The following NOSTRIN variants were observed in gnomAD, a reference collection of about 807,000 sequenced individuals.
The protein encoded by NOSTRIN is BM247 homolog.
In NOSTRIN, 63 loss-of-function variants were observed where a neutral mutation model predicts 59.0. The observed-to-expected ratio is 1.07, with a 90% CI of 0.87 to 1.32. The LOEUF is 1.32. Among genes scored for constraint, NOSTRIN ranks in the 40% most tolerant of loss-of-function variants. The pLI is 0.00. For missense variants in NOSTRIN, 512 were observed against 473.1 expected (o/e 1.08, Z -0.76); for synonymous variants, 200 against 165.4 (o/e 1.21, Z -1.61).
chr2:168,793,652 G>C (rs1036961377), upstream of NOSTRIN, among the ~76,000 whole-genome samples: 2 of 151,998 alleles, frequency 1.3e-5, no homozygotes, highest in African/African-American at 4.8e-5. Flanking sequence ...ACAAATATGC[G>C]TAAGTTCCTA....
At chr2:168,863,206 G>A (rs1375352457) in intron 15 of NOSTRIN, among the ~76,000 whole-genome samples, 2 of 152,130 alleles carry the variant, frequency 1.3e-5, no homozygotes, top group African/African-American at 4.8e-5. Context: ...TAGGGAAGCT[G>A]GCAATACAAT....
At position 168,792,761 on chromosome 2, in the gene NOSTRIN, G is replaced by C. The variant is rs1685390414; in HGVS notation, c.-473+4713G>C. On this transcript the variant is annotated intron_variant, in intron 2 of 20. Transcript: ENST00000458381. The stretch of plus-strand genomic sequence containing the variant: ...TCCGAAAGTGCTGGGATTATAGCCA[G>C]CATACCTGGCCATAAAATTATCTTT... 3.3e-5 allele frequency among the ~76,000 whole-genome samples: 5 copies of C among 152,066 alleles called. No homozygotes were observed. The South Asian group carries it at 1.0e-3, about 32-fold the overall frequency.
intron 1 of NOSTRIN, among the ~76,000 whole-genome samples, chr2:168,803,977 G>T (rs1200841618): frequency 6.6e-6 from 1 of 152,162 alleles, no homozygotes; most frequent in Non-Finnish European, 1.5e-5. Context: ...ACAGGGATGG[G>T]GTAAGTGGCA....
chr2:168,797,244 C>A (rs2105506145), upstream of NOSTRIN, among the ~76,000 whole-genome samples: 1 of 151,916 alleles, frequency 6.6e-6, no homozygotes, highest in Non-Finnish European at 1.5e-5. Flanking sequence ...TACGTACCAC[C>A]ATGCCTGACT....
In NOSTRIN at chr2:168,834,507, G is replaced by GCGCA. The variant is rs756381301; in HGVS notation, c.504+183_504+184insGCAC. Among the ~76,000 whole-genome samples, 302 of 125,424 alleles carry GCGCA rather than the reference G, an allele frequency of 2.4e-3. 1 individual carries two copies. The highest frequency in any genetic ancestry group is 2.8e-3 in the South Asian group (10 of 3,538). The allele number at this position is 125,424 out of a possible 152,430, so 82.3% of individuals were successfully genotyped here. A position where few individuals can be genotyped will look rare whatever the true frequency, so the allele number is the denominator to read the frequency against. ...TACTGGCGTGCGCGCGCGCGCGCGC[G>GCGCA]CACACACACACACACACACACACAC... On this transcript the variant is annotated intron_variant, in intron 7 of 15. Coordinates refer to ENST00000317647, the MANE Select transcript of NOSTRIN (RefSeq NM_001039724.4).
chr2:168,837,289 T>C (rs1687784161), intron 7 of NOSTRIN, among the ~76,000 whole-genome samples: 1 of 149,340 alleles, frequency 6.7e-6, no homozygotes, highest in Non-Finnish European at 1.5e-5. Flanking sequence ...TATAATACAC[T>C]TTTTTAACAT....
chr2:168,804,607 C>T (rs1685751194), intron 1 of NOSTRIN, among the ~76,000 whole-genome samples: 1 of 152,046 alleles, frequency 6.6e-6, no homozygotes. Flanking sequence ...TATAAAAGAA[C>T]CCAAAGCTTT....
chr2:168,864,974 A>T lies in NOSTRIN; in HGVS notation c.*4A>T, dbSNP rs752932696. 1.2e-6 allele frequency: 2 copies of T among 1,613,940 alleles called. No homozygotes were observed. Among genetic ancestry groups the T allele is most frequent in the Admixed American group, 3.3e-5 (2 of 60,020 alleles). ...CAACACAGCTACAAAGGCATAAAAC[A>T]AGACTCTGAACATACTACCTTCACA... is the stretch of plus-strand genomic sequence containing the variant. On this transcript the variant is annotated 3_prime_UTR_variant, in exon 16 of 16. Transcript: ENST00000317647.
chr2:168,856,685 T>C lies in NOSTRIN; in HGVS notation c.965-5T>C. The C allele has an allele frequency of 3.7e-6, 6 of 1,613,914 alleles. No individual in the cohort carries two copies. The highest frequency in any genetic ancestry group is 4.2e-6 in the Non-Finnish European group (5 of 1,179,818). On this transcript the variant is annotated splice_region_variant and splice_polypyrimidine_tract_variant and intron_variant, in intron 11 of 15. Coordinates refer to ENST00000317647, the MANE Select transcript of NOSTRIN (RefSeq NM_001039724.4). The stretch of plus-strand genomic sequence containing the variant: ...AGGTGACTGAGAACATGATTTCATT[T>C]TCAGGCCTGGAACGAATGCTTAAAA...
chr2:168,789,957 T>C (rs540556214), intron 2 of NOSTRIN, among the ~76,000 whole-genome samples: 74 of 152,296 alleles, frequency 4.9e-4, no homozygotes, highest in Admixed American at 2.2e-3. Flanking sequence ...GTGGGAAATA[T>C]GATGCTTTCT....
chr2:168,791,492 T>C (rs1040382679), intron 2 of NOSTRIN, among the ~76,000 whole-genome samples: 4 of 152,244 alleles, frequency 2.6e-5, no homozygotes, highest in Non-Finnish European at 4.4e-5. Flanking sequence ...TTTATAATCC[T>C]TTGGGTATAT....
chr2:168,818,563 T>C (rs1480158528), intron 2 of NOSTRIN, among the ~76,000 whole-genome samples: 1 of 152,242 alleles, frequency 6.6e-6, no homozygotes, highest in Non-Finnish European at 1.5e-5. Context: ...AGTCTAATAT[T>C]GATTACATGG....
At chr2:168,823,645 C>G (rs1440305233) in intron 2 of NOSTRIN, among the ~76,000 whole-genome samples, 1 of 152,214 alleles carries the variant, frequency 6.6e-6, no homozygotes, top group Non-Finnish European at 1.5e-5. Context: ...ATGACCTCAT[C>G]TTAACTTGAT....
chr2:168,851,920 C>A (rs903651326), intron 10 of NOSTRIN, among the ~76,000 whole-genome samples: 1 of 152,158 alleles, frequency 6.6e-6, no homozygotes, highest in Non-Finnish European at 1.5e-5. Context: ...CCAGGCTCTT[C>A]CTCCAGAAGA....
chr2:168,859,282 A>AC (rs745560419), intron 12 of NOSTRIN: 1 of 432,392 alleles, frequency 2.3e-6, no homozygotes, highest in Admixed American at 4.3e-5. Context: ...TTTCCTGTTC[A>AC]CCCCCAGAGT....
chr2:168,839,877 T>G (rs1444892397), intron 7 of NOSTRIN, among the ~76,000 whole-genome samples: 3 of 22,288 alleles, frequency 1.3e-4, no homozygotes, highest in Non-Finnish European at 2.0e-4. Flanking sequence ...CCAGAGAGAC[T>G]CCGTCTCAAA....
In NOSTRIN at chr2:168,843,125, A is replaced by C; in HGVS notation, c.630+8A>C. The C allele has an allele frequency of 1.2e-6, 1 of 861,116 alleles. No homozygotes were observed. 53.3% of individuals were successfully genotyped at this position (861,116 alleles called of 1,614,324 possible). Reference sequence around the variant, plus strand: ...CTAGAGAACTGCTACCAGGTAAGTTATATATTCACATTTTTTTCTTCTTCT... The same window carrying C: ...CTAGAGAACTGCTACCAGGTAAGTTCTATATTCACATTTTTTTCTTCTTCT... On this transcript the variant is annotated splice_region_variant and intron_variant, in intron 8 of 15. Coordinates refer to ENST00000317647, the MANE Select transcript of NOSTRIN (RefSeq NM_001039724.4).
upstream of NOSTRIN, among the ~76,000 whole-genome samples, chr2:168,800,632 A>G (rs1401169694): frequency 6.6e-6 from 1 of 152,184 alleles, no homozygotes; most frequent in Non-Finnish European, 1.5e-5. Context: ...ATTCGTATAC[A>G]AAGATCACAG....
chr2:168,808,563 C>A (rs1685982232), intron 1 of NOSTRIN, among the ~76,000 whole-genome samples: 1 of 152,126 alleles, frequency 6.6e-6, no homozygotes, highest in Admixed American at 6.5e-5. Flanking sequence ...TTTGTTTCTG[C>A]TTTGCTGTGG....
Sources: allele counts gnomAD v4.1 joint callset (sites outside exome capture counted in the v4.1 genomes callset), GRCh38; gene constraint gnomAD v4.1.1; transcripts MANE v1.5; gene names NCBI Gene and HGNC (gene_info 2026-07-23, HGNC 2026-07-21).